Variants in CEP112 observed in about 807,000 individuals in gnomAD.
CEP112 encodes centrosomal protein of 112 kDa.
In CEP112, 127 loss-of-function variants were observed where a neutral mutation model predicts 153.0. The observed-to-expected ratio is 0.83, with a 90% CI of 0.72 to 0.96. CEP112 has a LOEUF of 0.96. Among genes scored for constraint, CEP112 ranks in the 40% least tolerant of loss-of-function variants. The probability of loss-of-function intolerance (pLI) is 0.00; values close to 1 mark genes in which losing one functional copy is unlikely to be tolerated. For synonymous variants in CEP112, 358 were observed against 374.4 expected (o/e 0.96, Z 0.51); for missense variants, 1,089 against 1,101.2 (o/e 0.99, Z 0.16).
At chr17:66,032,386 G>C (rs2065527654) in intron 12 of CEP112, among the ~76,000 whole-genome samples, 1 of 151,738 alleles carries the variant, frequency 6.6e-6, no homozygotes, top group Non-Finnish European at 1.5e-5. Flanking sequence ...AAGCACACTA[G>C]AGTTTTCTGC....
At chr17:66,006,782 A>G (rs1354347227) in intron 16 of CEP112, among the ~76,000 whole-genome samples, 1 of 152,186 alleles carries the variant, frequency 6.6e-6, no homozygotes, top group Non-Finnish European at 1.5e-5. Flanking sequence ...GAGGATGCAG[A>G]GCCCAGGTGG....
At chr17:65,830,697 C>A (rs1338230441) in intron 21 of CEP112, among the ~76,000 whole-genome samples, 1 of 152,230 alleles carries the variant, frequency 6.6e-6, no homozygotes, top group African/African-American at 2.4e-5. Context: ...CAAACCCCAA[C>A]TGCTCTATGG....
intron 23 of CEP112, among the ~76,000 whole-genome samples, chr17:65,741,772 A>G (rs998398837): frequency 2.6e-4 from 39 of 152,042 alleles, no homozygotes; most frequent in African/African-American, 8.9e-4. Flanking sequence ...TAATATTTAA[A>G]TTTTATAGAA....
At chr17:66,177,230 C>T (rs1409566394) in intron 2 of CEP112, among the ~76,000 whole-genome samples, 2 of 152,104 alleles carry the variant, frequency 1.3e-5, no homozygotes, top group Non-Finnish European at 2.9e-5. Context: ...CACTCAGAGA[C>T]CATAAGTAAA....
chr17:65,743,245 T>C (rs1455504858), intron 22 of CEP112, 28 bp from the exon 23 acceptor site: 1 of 1,566,116 alleles, frequency 6.4e-7, no homozygotes, highest in Admixed American at 1.9e-5. Flanking sequence ...TGCTATAACT[T>C]CAAATTCTTC....
intron 17 of CEP112, among the ~76,000 whole-genome samples, chr17:65,970,027 G>T (rs757462570): frequency 3.9e-5 from 6 of 152,058 alleles, no homozygotes; most frequent in Non-Finnish European, 4.4e-5. Context: ...GAACATGCAC[G>T]CCACATGCAT....
At chr17:65,840,477 A>G (rs1568098981) in intron 21 of CEP112, among the ~76,000 whole-genome samples, 1 of 152,132 alleles carries the variant, frequency 6.6e-6, no homozygotes, top group Non-Finnish European at 1.5e-5. Flanking sequence ...CCAGGACCCT[A>G]TCTCTCACCA....
chr17:65,914,077 A>T (rs548708149), intron 19 of CEP112, among the ~76,000 whole-genome samples: 33 of 152,228 alleles, frequency 2.2e-4, no homozygotes, highest in African/African-American at 7.5e-4. Context: ...CAAGCCACAC[A>T]AATTGAGAAA....
At chr17:66,174,241 C>T (rs963313426) in intron 4 of CEP112, among the ~76,000 whole-genome samples, 3 of 152,276 alleles carry the variant, frequency 2.0e-5, no homozygotes, top group African/African-American at 4.8e-5. Flanking sequence ...TTATCTTTTT[C>T]GACCATAATA....
At chr17:65,750,640 T>G in intron 22 of CEP112, 22 bp downstream of exon 22, 1 of 1,609,344 alleles carries the variant, frequency 6.2e-7, no homozygotes, top group Non-Finnish European at 8.5e-7. Context: ...TACCCTGTTT[T>G]GTGTCTTTTA....
At chr17:66,071,470 A>T (rs1481717556) in intron 8 of CEP112, among the ~76,000 whole-genome samples, 1 of 152,132 alleles carries the variant, frequency 6.6e-6, no homozygotes, top group Non-Finnish European at 1.5e-5. Flanking sequence ...GACATGATTC[A>T]TTGCCAGATC....
intron 16 of CEP112, among the ~76,000 whole-genome samples, chr17:66,006,520 C>T (rs1035282771): frequency 7.2e-5 from 11 of 151,960 alleles, no homozygotes; most frequent in East Asian, 5.8e-4. Flanking sequence ...GCAGGAGAAT[C>T]GCTTGAACCC....
chr17:65,898,344 T>G (rs1236679131), intron 20 of CEP112, among the ~76,000 whole-genome samples: 1 of 152,048 alleles, frequency 6.6e-6, no homozygotes, highest in Non-Finnish European at 1.5e-5. Flanking sequence ...TAAATGGAGA[T>G]TTTTATCTTG....
At chr17:65,639,141 T>A (rs1034101886) in intron 25 of CEP112, among the ~76,000 whole-genome samples, 1 of 152,104 alleles carries the variant, frequency 6.6e-6, no homozygotes, top group Admixed American at 6.5e-5. Flanking sequence ...GCATATGGAT[T>A]GAGATTATGA....
At chr17:65,839,890 G>GA (rs1212734935) in intron 21 of CEP112, among the ~76,000 whole-genome samples, 1 of 150,976 alleles carries the variant, frequency 6.6e-6, no homozygotes, top group Non-Finnish European at 1.5e-5. Context: ...GAACAATCAT[G>GA]AAAAAAAATC....
chr17:66,038,414 A>C (rs2065834815), intron 12 of CEP112, among the ~76,000 whole-genome samples: 1 of 152,108 alleles, frequency 6.6e-6, no homozygotes, highest in African/African-American at 2.4e-5. Context: ...TTACACACAA[A>C]GTACATAAAT....
intron 21 of CEP112, among the ~76,000 whole-genome samples, chr17:65,754,994 A>T (rs994437329): frequency 3.9e-5 from 6 of 152,242 alleles, no homozygotes; most frequent in African/African-American, 1.4e-4. Context: ...ATACCTAGGT[A>T]TGGGTTGGTC....
At chr17:66,089,812 ATATCC>A (rs2068069320) in intron 8 of CEP112, among the ~76,000 whole-genome samples, 1 of 152,152 alleles carries the variant, frequency 6.6e-6, no homozygotes, top group African/African-American at 2.4e-5. Flanking sequence ...AAAGATATAT[ATATCC>A]TGGTACAAAA....
chr17:65,936,793 T>TCTCCCCCTCCCCCTCCTC lies in CEP112; in HGVS notation c.1873-9105_1873-9104insGAGGAGGGGGAGGGGGAG, dbSNP rs1555720970. ...TAGAAAAAAAGTCTCTCCGTCTACCTCTCCCCCTCCCCCTCCCCCTCTCCC... is the reference window on the plus strand; with the variant it reads ...TAGAAAAAAAGTCTCTCCGTCTACCTCTCCCCCTCCCCCTCCTCCTCCCCCTCCCCCTCCCCCTCTCCC... On this transcript the variant is annotated intron_variant, in intron 18 of 26. Coordinates refer to ENST00000535342, the MANE Select transcript of CEP112 (RefSeq NM_001199165.4). 8.2e-3 allele frequency among the ~76,000 whole-genome samples: 894 copies of TCTCCCCCTCCCCCTCCTC among 108,428 alleles called. 15 individuals are homozygous for TCTCCCCCTCCCCCTCCTC. The highest frequency in any genetic ancestry group is 0.017 in the East Asian group (23 of 1,326). 71.1% of individuals were successfully genotyped at this position (108,428 alleles called of 152,430 possible). A position where few individuals can be genotyped will look rare whatever the true frequency, so the allele number is the denominator to read the frequency against.
Sources: gnomAD v4.1 joint callset for allele counts (sites outside exome capture counted in the v4.1 genomes callset) on GRCh38, gnomAD v4.1.1 for gene constraint, MANE v1.5 for transcripts, NCBI Gene and HGNC (gene_info 2026-07-23, HGNC 2026-07-21) for gene names.